The following HSD17B13 variants were observed in gnomAD, a reference collection of about 807,000 sequenced individuals.
The protein encoded by HSD17B13 is 17-beta-hydroxysteroid dehydrogenase 13.
A neutral mutation model predicts 31.1 loss-of-function variants in HSD17B13; 26 were observed. The observed-to-expected ratio is 0.84, with a 90% confidence interval of 0.61 to 1.16. The LOEUF is 1.16. Among genes scored for constraint, HSD17B13 ranks in the 50% most tolerant of loss-of-function variants. HSD17B13 has a pLI of 0.00. For synonymous variants in HSD17B13, 141 were observed against 133.7 expected (o/e 1.05, Z -0.38); for missense variants, 374 against 366.5 (o/e 1.02, Z -0.17).
chr4:87,306,521 G>A (rs572207976), intron 6 of HSD17B13, among the ~76,000 whole-genome samples: 50 of 152,284 alleles, frequency 3.3e-4, no homozygotes, highest in African/African-American at 1.2e-3. Flanking sequence ...GGCTATAACT[G>A]GAAGGAGGAT....
chr4:87,304,967 A>C lies in HSD17B13; in HGVS notation c.*251T>G, dbSNP rs529317176. Reference sequence around the variant, plus strand: ...TAAAATATCTTAAAGAAAACCTTTTAAGTATGTTTATGTAAGCACAGAAGT... The same window carrying C: ...TAAAATATCTTAAAGAAAACCTTTTCAGTATGTTTATGTAAGCACAGAAGT... On this transcript the variant is annotated 3_prime_UTR_variant, in exon 7 of 7. Coordinates refer to ENST00000328546, the MANE Select transcript of HSD17B13 (RefSeq NM_178135.5). 1 of 332,772 alleles carries C rather than the reference A, an allele frequency of 3.0e-6. No homozygotes were observed. Among genetic ancestry groups the C allele is most frequent in the Admixed American group, 4.8e-5 (1 of 20,832 alleles). 20.6% of individuals were successfully genotyped at this position (332,772 alleles called of 1,614,324 possible). A position where few individuals can be genotyped will look rare whatever the true frequency, so the allele number is the denominator to read the frequency against.
At chr4:87,322,598 G>C (rs1734813425) in intron 1 of HSD17B13, 34 bp downstream of exon 1, 1 of 1,395,320 alleles carries the variant, frequency 7.2e-7, no homozygotes, top group South Asian at 1.2e-5. Flanking sequence ...ATCTTACTCT[G>C]TGACTTTAAA....
chr4:87,314,635 TCTCTCTCA>T (rs1357221996), intron 4 of HSD17B13, among the ~76,000 whole-genome samples: 2 of 139,768 alleles, frequency 1.4e-5, no homozygotes, highest in Non-Finnish European at 3.0e-5. Flanking sequence ...TCTCTCTCTC[TCTCTCTCA>T]CACACACACA....
In HSD17B13 at chr4:87,317,056, G is replaced by A. The variant is rs781702835; in HGVS notation, c.450+36C>T. 10 of 1,605,714 alleles carry A rather than the reference G, an allele frequency of 6.2e-6. No individual in the cohort carries two copies. The Admixed American group carries it at 1.7e-4, about 27-fold the overall frequency. On this transcript the variant is annotated intron_variant, in intron 3 of 6. Coordinates refer to ENST00000328546, the MANE Select transcript of HSD17B13 (RefSeq NM_178135.5). ...TAAGTTTCATGTATCTTAAGAGAAG[G>A]TGCACAAATCAGAAATGTTTCTGAC...
At chr4:87,313,061 A>C (rs1269732055) in intron 5 of HSD17B13, among the ~76,000 whole-genome samples, 2 of 149,958 alleles carry the variant, frequency 1.3e-5, no homozygotes, top group Non-Finnish European at 3.0e-5. Flanking sequence ...CTCTGTCTCA[A>C]AAAAAACAAA....
In HSD17B13 at chr4:87,322,647, C is replaced by T. The variant is rs1734814261; in HGVS notation, c.195G>A (p.Leu65=). Residue 65 remains leucine, a synonymous_variant, in exon 1 of 7, where the codon CTG becomes CTA. Coordinates refer to ENST00000328546, the MANE Select transcript of HSD17B13 (RefSeq NM_178135.5). ...TATACATTACCTTATTAATATCCCA[C>T]AGAACCAATATGCTCTGTCGTTTTG... is the stretch of plus-strand genomic sequence containing the variant. ...EFAKRQSILV[L]WDINKRGVEE... is the part of the protein sequence containing the mutation. 1.2e-6 allele frequency: 2 copies of T among 1,612,640 alleles called. No homozygotes were observed. The highest frequency in any genetic ancestry group is 1.7e-6 in the Non-Finnish European group (2 of 1,178,628).
chr4:87,322,425 G>A (rs750802612), intron 1 of HSD17B13, among the ~76,000 whole-genome samples: 5 of 152,080 alleles, frequency 3.3e-5, no homozygotes, highest in Admixed American at 1.3e-4. Flanking sequence ...CTATCAACCT[G>A]CACACCATGT....
intron 4 of HSD17B13, 22 bp downstream of exon 4, chr4:87,315,471 A>G (rs1189766510): frequency 2.2e-6 from 3 of 1,380,948 alleles, no homozygotes; most frequent in East Asian, 4.6e-5. Context: ...AATATATAAC[A>G]TGGCTGGCAT....
chr4:87,313,333 A>C (rs952899572), intron 5 of HSD17B13, among the ~76,000 whole-genome samples: 1 of 152,230 alleles, frequency 6.6e-6, no homozygotes, highest in African/African-American at 2.4e-5. Flanking sequence ...AACCTGCAGC[A>C]GAATATATAC....
At chr4:87,318,536 A>G in intron 1 of HSD17B13, 100 bp from the exon 2 acceptor site, 1 of 914,366 alleles carries the variant, frequency 1.1e-6, no homozygotes. Context: ...GCGGTGGCTC[A>G]CGCCTGTAAT....
intron 4 of HSD17B13, among the ~76,000 whole-genome samples, chr4:87,315,189 A>G (rs1426394726): frequency 6.6e-6 from 1 of 152,176 alleles, no homozygotes; most frequent in Non-Finnish European, 1.5e-5. Flanking sequence ...CATCCTCTTC[A>G]TTTACATAGG....
At chr4:87,315,248 A>T (rs1734625298) in intron 4 of HSD17B13, among the ~76,000 whole-genome samples, 1 of 152,234 alleles carries the variant, frequency 6.6e-6, no homozygotes, top group South Asian at 2.1e-4. Flanking sequence ...TTTAAACCCC[A>T]GAAAATTCTG....
chr4:87,305,200 T>C lies in HSD17B13; in HGVS notation c.*18A>G. ...CATATCATTATCATGCATACATCTCTGGCTGGAGCTTATTTATTCATTTCA... is the reference window on the plus strand; with the variant it reads ...CATATCATTATCATGCATACATCTCCGGCTGGAGCTTATTTATTCATTTCA... On this transcript the variant is annotated 3_prime_UTR_variant, in exon 7 of 7. Transcript: ENST00000328546. 6.6e-7 allele frequency: 1 copy of C among 1,508,460 alleles called. No homozygotes were observed. The highest frequency in any genetic ancestry group is 9.1e-7 in the Non-Finnish European group (1 of 1,093,044). The allele number at this position is 1,508,460 out of a possible 1,614,324, so 93.4% of individuals were successfully genotyped here. A position where few individuals can be genotyped will look rare whatever the true frequency, so the allele number is the denominator to read the frequency against.
intron 1 of HSD17B13, 101 bp from the exon 2 acceptor site, chr4:87,318,537 C>CTA: frequency 4.5e-6 from 4 of 885,346 alleles, no homozygotes. Context: ...CGGTGGCTCA[C>CTA]GCCTGTAATC....
intron 6 of HSD17B13, among the ~76,000 whole-genome samples, chr4:87,309,079 A>G (rs2110098026): frequency 6.6e-6 from 1 of 152,298 alleles, no homozygotes; most frequent in East Asian, 1.9e-4. Flanking sequence ...CACTTGCATT[A>G]GCGTCAAAAA....
intron 6 of HSD17B13, among the ~76,000 whole-genome samples, chr4:87,309,984 A>T (rs1464020813): frequency 2.0e-5 from 3 of 152,168 alleles, no homozygotes; most frequent in African/African-American, 7.2e-5. Flanking sequence ...ACATGGGGAA[A>T]CCTGTCTCTA....
chr4:87,305,298 C>A lies in HSD17B13; in HGVS notation c.823G>T (p.Glu275Ter). ...CGATTTAAAATCGCTGAGGCGCGTT[C>A]AGGAAGAAACCTGTACAAAAAAGAA... Reference protein sequence around the residue: ...IFLRLQKFLPERASAILNRMQ... With the variant: ...IFLRLQKFLP Residue 275 changes from glutamate to a stop codon, truncating the protein, a stop_gained, in exon 7 of 7, where the codon GAA becomes TAA. Coordinates refer to ENST00000328546, the MANE Select transcript of HSD17B13 (RefSeq NM_178135.5). LOFTEE classifies it high-confidence loss of function. The A allele has an allele frequency of 6.2e-7, 1 of 1,600,320 alleles. No individual in the cohort carries two copies. The highest frequency in any genetic ancestry group is 1.1e-5 in the South Asian group (1 of 88,324).
At chr4:87,311,035 TG>T (rs36015293) in intron 5 of HSD17B13, among the ~76,000 whole-genome samples, 28,350 of 152,146 alleles carry the variant, frequency 0.19, 3,163 homozygotes, top group East Asian at 0.32. Context: ...AAGTGACCTC[TG>T]GTTGTCCTCA....
chr4:87,312,551 A>C (rs1734553890), intron 5 of HSD17B13, among the ~76,000 whole-genome samples: 1 of 89,650 alleles, frequency 1.1e-5, no homozygotes, highest in African/African-American at 4.5e-5. Context: ...TTTTTTTGAG[A>C]CGGAGTCTCG....
Sources: allele counts gnomAD v4.1 joint callset (sites outside exome capture counted in the v4.1 genomes callset), GRCh38; gene constraint gnomAD v4.1.1; transcripts MANE v1.5; gene names NCBI Gene and HGNC (gene_info 2026-07-23, HGNC 2026-07-21).